The following PRTFDC1 variants were observed in gnomAD, a reference collection of about 807,000 sequenced individuals.
PRTFDC1 encodes phosphoribosyl transferase domain containing 1.
A neutral mutation model predicts 34.6 loss-of-function variants in PRTFDC1; 38 were observed. The observed-to-expected ratio is 1.10, with a 90% CI of 0.85 to 1.44. The LOEUF (loss-of-function observed/expected upper bound fraction) is 1.44. PRTFDC1 is among the 40% of genes most tolerant of loss of function. The probability of loss-of-function intolerance (pLI) is 0.00; values close to 1 mark genes in which losing one functional copy is unlikely to be tolerated. For synonymous variants in PRTFDC1, 93 were observed against 98.1 expected, an observed-to-expected ratio of 0.95 and a Z score of 0.31; for missense variants, 270 against 283.0, an observed-to-expected ratio of 0.95 and a Z score of 0.33.
At chr10:24,885,241 T>G (rs575991857) in intron 3 of PRTFDC1, among the ~76,000 whole-genome samples, 1 of 152,336 alleles carries the variant, frequency 6.6e-6, no homozygotes, top group East Asian at 1.9e-4. Flanking sequence ...CTCAGAATCA[T>G]TTACTGAGCA....
chr10:24,935,231 A>T (rs1849031149), intron 3 of PRTFDC1, among the ~76,000 whole-genome samples: 1 of 152,238 alleles, frequency 6.6e-6, no homozygotes, highest in Non-Finnish European at 1.5e-5. Flanking sequence ...AATTAAAAAA[A>T]ATGTTAACAG....
rs147273064 is a variant in PRTFDC1 at position 24,920,481 on chromosome 10, A to G, written c.339+16703T>C. On this transcript the variant is annotated intron_variant, in intron 3 of 8. Transcript: ENST00000320152. ...CTCATTTACAAGTGGGAGCTGAACAATGAGAACACATGGACACAAGGAGGG... is the reference window on the plus strand; with the variant it reads ...CTCATTTACAAGTGGGAGCTGAACAGTGAGAACACATGGACACAAGGAGGG... 3.9e-4 allele frequency among the ~76,000 whole-genome samples: 59 copies of G among 152,288 alleles called. 1 individual carries two copies. In the East Asian group the frequency reaches 0.011, roughly 28 times the overall value.
intron 3 of PRTFDC1, among the ~76,000 whole-genome samples, chr10:24,927,663 C>A (rs766463370): frequency 1.5e-4 from 22 of 150,016 alleles, no homozygotes; most frequent in Non-Finnish European, 2.8e-4. Context: ...CTCACTGCAA[C>A]CTCCACCTCC....
In PRTFDC1 at chr10:24,876,608, C is replaced by T. The variant is rs537938486; in HGVS notation, c.340-4545G>A. Among the ~76,000 whole-genome samples, 16 of 152,086 alleles carry T rather than the reference C, an allele frequency of 1.1e-4. 1 individual carries two copies. Among genetic ancestry groups the T allele is most frequent in the Admixed American group, 3.9e-4 (6 of 15,260 alleles). ...ACTCGGGAGGCTGAGGCAGGAGAATCGCTTGAACCTGGAAGGTGGAGGTTG... is the reference window on the plus strand; with the variant it reads ...ACTCGGGAGGCTGAGGCAGGAGAATTGCTTGAACCTGGAAGGTGGAGGTTG... On this transcript the variant is annotated intron_variant, in intron 3 of 8. Transcript: ENST00000320152.
intron 1 of PRTFDC1, among the ~76,000 whole-genome samples, chr10:24,947,861 C>T (rs1229976600): frequency 6.6e-6 from 1 of 151,954 alleles, no homozygotes; most frequent in Non-Finnish European, 1.5e-5. Context: ...CTGTCCTAGC[C>T]CTAGAGCCAG....
rs746993560 is a variant in PRTFDC1, at chr10:24,855,283, A to G, written c.553+35T>C. On this transcript the variant is annotated intron_variant, in intron 7 of 8. Coordinates refer to ENST00000320152, the MANE Select transcript of PRTFDC1 (RefSeq NM_020200.7). Reference sequence around the variant, plus strand: ...ATGAAACACCATAAGCACAAAACAAACAAACAAACAAACAAAAAACTGAAA... The same window carrying G: ...ATGAAACACCATAAGCACAAAACAAGCAAACAAACAAACAAAAAACTGAAA... The G allele has an allele frequency of 4.4e-6, 7 of 1,588,236 alleles. No individual in the cohort carries two copies. The Admixed American group carries it at 6.7e-5, about 15-fold the overall frequency.
Position 24,856,912 on chromosome 10 carries a change from C to G in PRTFDC1, c.506+1G>C. Reference sequence around the variant, plus strand: ...CACCATGCTATGAATGTCCAACTCACCTGGCTACCTTAATCATGTTGGGCT... The same window carrying G: ...CACCATGCTATGAATGTCCAACTCAGCTGGCTACCTTAATCATGTTGGGCT... On this transcript the variant is annotated splice_donor_variant, in intron 6 of 8. Coordinates refer to ENST00000320152, the MANE Select transcript of PRTFDC1 (RefSeq NM_020200.7). LOFTEE classifies it high-confidence loss of function. The G allele has an allele frequency of 6.2e-7, 1 of 1,607,902 alleles. No individual in the cohort carries two copies. Among genetic ancestry groups the G allele is most frequent in the South Asian group, 1.1e-5 (1 of 90,980 alleles).
intron 4 of PRTFDC1, among the ~76,000 whole-genome samples, chr10:24,863,759 G>A (rs1051016513): frequency 3.3e-5 from 5 of 152,088 alleles, no homozygotes; most frequent in African/African-American, 1.2e-4. Context: ...CGACCCTCAT[G>A]CATAACTTTG....
At chr10:24,896,127 T>TGG (rs2132546111) in intron 3 of PRTFDC1, among the ~76,000 whole-genome samples, 1 of 152,146 alleles carries the variant, frequency 6.6e-6, no homozygotes, top group East Asian at 1.9e-4. Context: ...CCCCAGGCTG[T>TGG]GGATTGGTAC....
At chr10:24,894,176 C>T (rs1054829366) in intron 3 of PRTFDC1, among the ~76,000 whole-genome samples, 2 of 151,998 alleles carry the variant, frequency 1.3e-5, no homozygotes, top group African/African-American at 4.8e-5. Flanking sequence ...CTAAAAAATA[C>T]AAAAATTAGC....
At chr10:24,933,412 C>T (rs891098862) in intron 3 of PRTFDC1, among the ~76,000 whole-genome samples, 20 of 151,856 alleles carry the variant, frequency 1.3e-4, no homozygotes, top group African/African-American at 4.8e-4. Context: ...GAAAACAACC[C>T]AATTTTTTAA....
chr10:24,864,325 A>G (rs548328464), intron 4 of PRTFDC1, among the ~76,000 whole-genome samples: 1 of 152,364 alleles, frequency 6.6e-6, no homozygotes, highest in African/African-American at 2.4e-5. Flanking sequence ...TTTTGAAAGA[A>G]GTTCTACTGT....
intron 3 of PRTFDC1, among the ~76,000 whole-genome samples, chr10:24,930,404 T>C (rs1481255940): frequency 6.6e-6 from 1 of 152,188 alleles, no homozygotes; most frequent in Non-Finnish European, 1.5e-5. Context: ...CTTGATAGCT[T>C]ATTAATTCAA....
intron 7 of PRTFDC1, among the ~76,000 whole-genome samples, chr10:24,852,656 G>A (rs945000441): frequency 6.6e-6 from 1 of 152,206 alleles, no homozygotes; most frequent in Non-Finnish European, 1.5e-5. Context: ...CAGAAGTCTT[G>A]AAACAGAATA....
chr10:24,895,207 T>G (rs1848330682), intron 3 of PRTFDC1, among the ~76,000 whole-genome samples: 1 of 151,942 alleles, frequency 6.6e-6, no homozygotes, highest in Admixed American at 6.6e-5. Context: ...ACATTCTATT[T>G]TTATATCCGA....
chr10:24,936,399 C>T (rs1312417567), intron 3 of PRTFDC1, among the ~76,000 whole-genome samples: 22 of 152,010 alleles, frequency 1.4e-4, no homozygotes, highest in Admixed American at 1.2e-3. Context: ...CCACTTCAGC[C>T]TCTTGAGTAC....
At chr10:24,948,585 T>G (rs1327069301) in intron 1 of PRTFDC1, among the ~76,000 whole-genome samples, 2 of 152,210 alleles carry the variant, frequency 1.3e-5, no homozygotes, top group East Asian at 3.9e-4. Context: ...TCTCTTAATA[T>G]TCCCTTCTCT....
At chr10:24,872,506 A>G (rs1364794555) in intron 3 of PRTFDC1, among the ~76,000 whole-genome samples, 3 of 151,816 alleles carry the variant, frequency 2.0e-5, no homozygotes, top group African/African-American at 4.8e-5. Context: ...TCCCTGAGAG[A>G]CCGGAGGCCT....
chr10:24,921,739 A>G (rs1848793460), intron 3 of PRTFDC1, among the ~76,000 whole-genome samples: 1 of 151,790 alleles, frequency 6.6e-6, no homozygotes, highest in African/African-American at 2.4e-5. Context: ...AAAGCTAGGC[A>G]AACAAAAAAA....
Sources: allele counts gnomAD v4.1 joint callset (sites outside exome capture counted in the v4.1 genomes callset), GRCh38; gene constraint gnomAD v4.1.1; transcripts MANE v1.5; gene names NCBI Gene and HGNC (gene_info 2026-07-23, HGNC 2026-07-21).